The following SLC35C1 variants were observed in gnomAD, a reference collection of about 807,000 sequenced individuals.
The protein encoded by SLC35C1 is solute carrier family 35 member C1.
SLC35C1 carries 8 observed loss-of-function variants against 23.2 expected under a neutral mutation model. That is an observed-to-expected ratio of 0.35 (90% CI 0.20 to 0.62). The LOEUF (loss-of-function observed/expected upper bound fraction) is 0.62. Ranked by LOEUF, SLC35C1 falls within the 20% of genes least tolerant of loss-of-function variation. The probability of loss-of-function intolerance (pLI) is 0.75; values close to 1 mark genes in which losing one functional copy is unlikely to be tolerated. For missense variants in SLC35C1, 422 were observed against 478.6 expected (o/e 0.88, Z 1.10); for synonymous variants, 226 against 225.1 (o/e 1.00, Z -0.04).
At chr11:45,807,920 G>T (rs527835277) in intron 1 of SLC35C1, among the ~76,000 whole-genome samples, 2 of 152,246 alleles carry the variant, frequency 1.3e-5, no homozygotes, top group South Asian at 4.1e-4. Flanking sequence ...AGGGGTAGAG[G>T]CTCCTAGTTG....
At chr11:45,807,497 T>C (rs1292853232) in intron 1 of SLC35C1, among the ~76,000 whole-genome samples, 1 of 152,194 alleles carries the variant, frequency 6.6e-6, no homozygotes. Flanking sequence ...TTCCCAGGGC[T>C]GCGTCATCTA....
intron 1 of SLC35C1, among the ~76,000 whole-genome samples, chr11:45,807,832 C>T (rs2085893842): frequency 6.6e-6 from 1 of 152,180 alleles, no homozygotes; most frequent in South Asian, 2.1e-4. Flanking sequence ...AACAGGTGTA[C>T]CTCCCCTCCT....
Position 45,811,507 on chromosome 11 carries a change from A to G in SLC35C1, c.*172A>G, listed in dbSNP as rs1452025243. 9.5e-6 allele frequency: 5 copies of G among 527,762 alleles called. No homozygotes were observed. In the South Asian group the frequency reaches 1.6e-4, roughly 17 times the overall value. The allele number at this position is 527,762 out of a possible 1,614,324, so 32.7% of individuals were successfully genotyped here. ...GAGAAGGAACCAGTGTTTACAAGTA[A>G]TATCAGAAAGTTGAAGGAACCAGTG... On this transcript the variant is annotated 3_prime_UTR_variant, in exon 2 of 2. Transcript: ENST00000314134.
chr11:45,810,637 T>C (rs1020932467), intron 1 of SLC35C1, 139 bp from the exon 2 acceptor site: 10 of 1,445,352 alleles, frequency 6.9e-6, no homozygotes, highest in East Asian at 2.5e-5. Context: ...GCTGTGCTTA[T>C]TGGAGGGAGG....
chr11:45,810,569 T>C, intron 1 of SLC35C1: 1 of 985,490 alleles, frequency 1.0e-6, no homozygotes, highest in African/African-American at 1.7e-5. Context: ...GGAGGTTTTC[T>C]TGCCCTGGGC....
In SLC35C1 at chr11:45,808,203, T is replaced by C. The variant is rs533740051; in HGVS notation, c.535+1867T>C. 2.6e-5 allele frequency among the ~76,000 whole-genome samples: 4 copies of C among 152,296 alleles called. No homozygotes were observed. In the South Asian group the frequency reaches 8.3e-4, roughly 32 times the overall value. On this transcript the variant is annotated intron_variant, in intron 1 of 1. Coordinates refer to ENST00000314134, the MANE Select transcript of SLC35C1 (RefSeq NM_018389.5). ...AGCCCCCCATGTCACACAGTAACTTTCAAAGCTCCTTCTGGGCCAGGCACA... is the reference window on the plus strand; with the variant it reads ...AGCCCCCCATGTCACACAGTAACTTCCAAAGCTCCTTCTGGGCCAGGCACA...
Position 45,812,368 on chromosome 11 carries a change from T to C in SLC35C1, c.*1033T>C, listed in dbSNP as rs2085957706. ...CCAACCTTTACATTCTTCCCTGAGG[T>C]TGTGGCTGACAGAGCCTGCTTGGCC... On this transcript the variant is annotated 3_prime_UTR_variant, in exon 2 of 2. Coordinates refer to ENST00000314134, the MANE Select transcript of SLC35C1 (RefSeq NM_018389.5). The C allele has an allele frequency of 5.5e-6, 2 of 363,770 alleles. No homozygotes were observed. Among genetic ancestry groups the C allele is most frequent in the South Asian group, 2.0e-5 (1 of 49,096 alleles). The allele number at this position is 363,770 out of a possible 1,614,324, so 22.5% of individuals were successfully genotyped here. A position where few individuals can be genotyped will look rare whatever the true frequency, so the allele number is the denominator to read the frequency against.
chr11:45,811,577 TC>T lies in SLC35C1; in HGVS notation c.*243del. The T allele has an allele frequency of 2.2e-6, 1 of 446,650 alleles. No individual in the cohort carries two copies. The allele number at this position is 446,650 out of a possible 1,614,324, so 27.7% of individuals were successfully genotyped here. ...AGTTGCCAAACCCTTCTCTATCCTC[TC>T]GTATTTCTGAGTTTTTGTCCTTCCC... is the stretch of plus-strand genomic sequence containing the variant. On this transcript the variant is annotated 3_prime_UTR_variant, in exon 2 of 2. Transcript: ENST00000314134.
Position 45,805,797 on chromosome 11 carries a change from C to T in SLC35C1, c.-5C>T, listed in dbSNP as rs558954435. 6.2e-7 allele frequency: 1 copy of T among 1,612,826 alleles called. No individual in the cohort carries two copies. Among genetic ancestry groups the T allele is most frequent in the South Asian group, 1.1e-5 (1 of 91,064 alleles). Reference sequence around the variant, plus strand: ...GCCGCGGGGTGACCCAGCTCCTCTGCTACCATGAATAGGGCCCCTCTGAAG... The same window carrying T: ...GCCGCGGGGTGACCCAGCTCCTCTGTTACCATGAATAGGGCCCCTCTGAAG... On this transcript the variant is annotated 5_prime_UTR_variant, in exon 1 of 2. Transcript: ENST00000314134.
chr11:45,809,645 G>A, intron 1 of SLC35C1: 1 of 485,906 alleles, frequency 2.1e-6, no homozygotes. Flanking sequence ...AGGACAGGGA[G>A]GTGACCCAGA....
chr11:45,812,944 C>T lies in SLC35C1; in HGVS notation c.*1609C>T. ...TCCCTCTCCAGTCCCCTCACAATCC[C>T]AGATGGGTTCTAATGCAGCTGCTGG... On this transcript the variant is annotated 3_prime_UTR_variant, in exon 2 of 2. Coordinates refer to ENST00000314134, the MANE Select transcript of SLC35C1 (RefSeq NM_018389.5). The T allele has an allele frequency of 3.4e-6, 1 of 296,760 alleles. No individual in the cohort carries two copies. The highest frequency in any genetic ancestry group is 6.8e-6 in the Non-Finnish European group (1 of 146,802). The allele number at this position is 296,760 out of a possible 1,614,324, so 18.4% of individuals were successfully genotyped here.
At chr11:45,804,201 T>A (rs1262938479), upstream of SLC35C1, 1 of 152,140 alleles carries the variant, frequency 6.6e-6, no homozygotes, top group Non-Finnish European at 1.5e-5. Flanking sequence ...GGGACAGGAG[T>A]AGCCTTGGAA....
In SLC35C1 at chr11:45,806,872, C is replaced by T. The variant is rs1241683172; in HGVS notation, c.535+536C>T. The T allele has an allele frequency of 4.7e-5, 46 of 984,468 alleles. No individual in the cohort carries two copies. In the East Asian group the frequency reaches 1.0e-3, roughly 22 times the overall value. The allele number at this position is 984,468 out of a possible 1,614,324, so 61.0% of individuals were successfully genotyped here. On this transcript the variant is annotated intron_variant, in intron 1 of 1. Coordinates refer to ENST00000314134, the MANE Select transcript of SLC35C1 (RefSeq NM_018389.5). Reference sequence around the variant, plus strand: ...CCAGTGCTCTTAGTAGAGGACAATACGTCTTTTAATAAATATACCATCACT... The same window carrying T: ...CCAGTGCTCTTAGTAGAGGACAATATGTCTTTTAATAAATATACCATCACT...
At chr11:45,804,864 T>A (rs1267731236), upstream of SLC35C1, 2 of 985,526 alleles carry the variant, frequency 2.0e-6, no homozygotes, top group East Asian at 2.3e-4. Flanking sequence ...CCTAGCCAAG[T>A]CGGGGGACGG....
rs754731436 is a variant in SLC35C1, at chr11:45,806,038, C to T, written c.237C>T (p.Tyr79=). The T allele has an allele frequency of 3.1e-6, 5 of 1,613,782 alleles. No individual in the cohort carries two copies. The Admixed American group carries it at 8.3e-5, about 27-fold the overall frequency. ...RLDTPIFVTF[Y]QCLVTTLLCK... ...ACACCCCCATCTTCGTCACCTTCTA[C>T]CAGTGCCTGGTGACCACGCTGCTGT... Residue 79 remains tyrosine, a synonymous_variant, in exon 1 of 2, where the codon TAC becomes TAT. Coordinates refer to ENST00000314134, the MANE Select transcript of SLC35C1 (RefSeq NM_018389.5).
chr11:45,811,273 A>T lies in SLC35C1; in HGVS notation c.1033A>T (p.Met345Leu). The change falls in exon 2 of 2, where the codon ATG becomes TTG. Residue 345 changes from methionine (M) to leucine (L), a missense_variant. Coordinates refer to ENST00000314134, the MANE Select transcript of SLC35C1 (RefSeq NM_018389.5). ...SAYTWVRGWE[M>L]KKTPEEPSPK... ...CTACACCTGGGTCAGGGGCTGGGAG[A>T]TGAAGAAGACTCCGGAGGAGCCCAG... 6.3e-7 allele frequency: 1 copy of T among 1,580,610 alleles called. No individual in the cohort carries two copies. Among genetic ancestry groups the T allele is most frequent in the Admixed American group, 1.8e-5 (1 of 56,910 alleles).
intron 1 of SLC35C1, among the ~76,000 whole-genome samples, chr11:45,807,400 A>G (rs1333179558): frequency 6.6e-6 from 1 of 152,162 alleles, no homozygotes; most frequent in Non-Finnish European, 1.5e-5. Context: ...GGGCTATGGT[A>G]TGGGACAGCA....
chr11:45,811,446 G>A lies in SLC35C1; in HGVS notation c.*111G>A. 2 of 877,150 alleles carry A rather than the reference G, an allele frequency of 2.3e-6. No individual in the cohort carries two copies. Among genetic ancestry groups the A allele is most frequent in the Non-Finnish European group, 3.4e-6 (2 of 595,728 alleles). 54.3% of individuals were successfully genotyped at this position (877,150 alleles called of 1,614,324 possible). A position where few individuals can be genotyped will look rare whatever the true frequency, so the allele number is the denominator to read the frequency against. On this transcript the variant is annotated 3_prime_UTR_variant, in exon 2 of 2. Transcript: ENST00000314134. ...CAGAAGCGTGCTGTGGTGTGGACTG[G>A]GTGCTACTTATAGACCCAATCAGAA...
Position 45,806,489 on chromosome 11 carries a change from G to T in SLC35C1, c.535+153G>T, listed in dbSNP as rs146983433. Among the ~76,000 whole-genome samples, 464 of 152,302 alleles carry T rather than the reference G, an allele frequency of 3.0e-3. 2 individuals carry two copies. Among genetic ancestry groups the T allele is most frequent in the African/African-American group, 0.011 (444 of 41,572 alleles). The stretch of plus-strand genomic sequence containing the variant: ...GAGCCTGGGGGCACAGAGAGAGCAA[G>T]TAACTTACTAAAGGTCACCCAGCAA... On this transcript the variant is annotated intron_variant, in intron 1 of 1. Transcript: ENST00000314134.
Sources: gnomAD v4.1 joint callset for allele counts (sites outside exome capture counted in the v4.1 genomes callset) on GRCh38, gnomAD v4.1.1 for gene constraint, MANE v1.5 for transcripts, NCBI Gene and HGNC (gene_info 2026-07-23, HGNC 2026-07-21) for gene names.